GJC1: variants seen among roughly 807,000 people sequenced by gnomAD.
GJC1 encodes gap junction protein gamma 1.
In GJC1, 5 loss-of-function variants were observed where a neutral mutation model predicts 29.3. The observed-to-expected ratio is 0.17, with a 90% CI of 0.09 to 0.36. The LOEUF is 0.36. GJC1 is among the 10% of genes least tolerant of loss of function. GJC1 has a pLI of 1.00. For missense variants in GJC1, 310 were observed against 496.2 expected (o/e 0.62, Z 3.56); for synonymous variants, 177 against 183.3 (o/e 0.97, Z 0.28).
At chr17:44,810,662 T>C (rs954132793) in intron 1 of GJC1, among the ~76,000 whole-genome samples, 14 of 152,148 alleles carry the variant, frequency 9.2e-5, no homozygotes, top group Non-Finnish European at 2.1e-4. Flanking sequence ...TCGCTGGAGA[T>C]CTGCAGACGG....
At chr17:44,806,402 T>G (rs1436733549) in intron 2 of GJC1, among the ~76,000 whole-genome samples, 1 of 43,644 alleles carries the variant, frequency 2.3e-5, no homozygotes, top group Non-Finnish European at 4.5e-5. Flanking sequence ...CTTCTGTTTG[T>G]TTTTTTTTTT....
chr17:44,807,556 A>G (rs1329509795), intron 1 of GJC1, 87 bp from the exon 2 acceptor site: 1 of 152,252 alleles, frequency 6.6e-6, no homozygotes, highest in African/African-American at 2.4e-5. Flanking sequence ...AGAAAGAAAC[A>G]AAGTTTTCTA....
At chr17:44,822,505 T>C (rs2050124030) in intron 1 of GJC1, among the ~76,000 whole-genome samples, 2 of 151,514 alleles carry the variant, frequency 1.3e-5, no homozygotes, top group Admixed American at 1.3e-4. Flanking sequence ...TAGCTGGGCG[T>C]GGTGGCAGGC....
intron 1 of GJC1, among the ~76,000 whole-genome samples, chr17:44,808,403 GTAGA>G (rs1361188370): frequency 6.7e-6 from 1 of 149,398 alleles, no homozygotes; most frequent in East Asian, 2.0e-4. Context: ...GTCCAACCTG[GTAGA>G]TAGAACAACA....
chr17:44,824,019 C>T (rs116679684), intron 1 of GJC1, among the ~76,000 whole-genome samples: 4,041 of 148,196 alleles, frequency 0.027, 200 homozygotes, highest in African/African-American at 0.093. Flanking sequence ...GCCCTCTTTT[C>T]GTTTTTTGAG....
At chr17:44,817,716 A>C (rs1188874045) in intron 1 of GJC1, among the ~76,000 whole-genome samples, 1 of 151,624 alleles carries the variant, frequency 6.6e-6, no homozygotes, top group African/African-American at 2.4e-5. Context: ...ATCTCAAAAA[A>C]ACCCAAAAAC....
In GJC1 at chr17:44,805,867, A is replaced by C; in HGVS notation, c.-20-30T>G. 1.1e-6 allele frequency: 1 copy of C among 950,022 alleles called. No homozygotes were observed. The highest frequency in any genetic ancestry group is 1.6e-6 in the Non-Finnish European group (1 of 630,896). The allele number at this position is 950,022 out of a possible 1,614,324, so 58.8% of individuals were successfully genotyped here. A position where few individuals can be genotyped will look rare whatever the true frequency, so the allele number is the denominator to read the frequency against. ...TAAAAGTGGAAAAATACCAAAATAA[A>C]ATCAACAAATATTAAATCTTAATTT... On this transcript the variant is annotated intron_variant, in intron 2 of 2. Transcript: ENST00000592524. This position sits in a 1 kb window ranked among gnomAD's most constrained non-coding sequence, Gnocchi z 5.1.
intron 1 of GJC1, among the ~76,000 whole-genome samples, chr17:44,827,472 G>C (rs938721785): frequency 1.4e-4 from 21 of 151,992 alleles, no homozygotes; most frequent in African/African-American, 4.8e-4. Flanking sequence ...ATACCCCCTA[G>C]TCAAACTTAA....
At chr17:44,806,694 T>C (rs142242717) in intron 2 of GJC1, among the ~76,000 whole-genome samples, 1 of 151,974 alleles carries the variant, frequency 6.6e-6, no homozygotes, top group Non-Finnish European at 1.5e-5. Flanking sequence ...TGGCCAGACC[T>C]AGGTTCTTTA....
chr17:44,799,237 ACT>A lies in GJC1; in HGVS notation c.*5388_*5389del. 6.6e-6 allele frequency: 1 copy of A among 152,014 alleles called. No individual in the cohort carries two copies. The highest frequency in any genetic ancestry group is 1.9e-4 in the East Asian group (1 of 5,154). 9.4% of individuals were successfully genotyped at this position (152,014 alleles called of 1,614,324 possible). A position where few individuals can be genotyped will look rare whatever the true frequency, so the allele number is the denominator to read the frequency against. Reference sequence around the variant, plus strand: ...TTTCCTCTTTTTTGGCGACAGTCTTACTCTGTCACCCAGGCTGGAGTGCAGTG... The same window carrying A: ...TTTCCTCTTTTTTGGCGACAGTCTTACTGTCACCCAGGCTGGAGTGCAGTG... On this transcript the variant is annotated 3_prime_UTR_variant, in exon 3 of 3. Transcript: ENST00000592524.
chr17:44,807,629 C>T (rs1194884792), intron 1 of GJC1, 160 bp from the exon 2 acceptor site: 1 of 152,178 alleles, frequency 6.6e-6, no homozygotes, highest in Non-Finnish European at 1.5e-5. Context: ...CCAGTCTTCT[C>T]CTCCCCATAC....
intron 1 of GJC1, among the ~76,000 whole-genome samples, chr17:44,820,845 T>C (rs2050097974): frequency 6.6e-6 from 1 of 152,218 alleles, no homozygotes; most frequent in African/African-American, 2.4e-5. Context: ...ACATGAGTGA[T>C]AATAGATGTT....
At chr17:44,822,113 T>C (rs554476098) in intron 1 of GJC1, among the ~76,000 whole-genome samples, 5 of 132,522 alleles carry the variant, frequency 3.8e-5, no homozygotes, top group Non-Finnish European at 6.2e-5. Context: ...AGGAGAATGG[T>C]GTGAACCTGG....
intron 1 of GJC1, among the ~76,000 whole-genome samples, chr17:44,812,740 C>T (rs1188444459): frequency 6.6e-6 from 1 of 151,618 alleles, no homozygotes; most frequent in Non-Finnish European, 1.5e-5. Context: ...CTCCACCTCC[C>T]GGGTTCAAGC....
downstream of GJC1, among the ~76,000 whole-genome samples, chr17:44,797,035 A>G (rs1021217632): frequency 6.6e-6 from 1 of 152,102 alleles, no homozygotes; most frequent in African/African-American, 2.4e-5. Context: ...TTTTTTGTAG[A>G]GACAGGGTCT....
rs574855616 is a variant in GJC1 at position 44,821,281 on chromosome 17, G to A, written c.-97+8781C>T. Among the ~76,000 whole-genome samples the A allele has an allele frequency of 2.1e-4, 32 of 152,264 alleles. No individual in the cohort carries two copies. The South Asian group carries it at 6.6e-3, about 32-fold the overall frequency. On this transcript the variant is annotated intron_variant, in intron 1 of 2. Coordinates refer to ENST00000592524, the MANE Select transcript of GJC1 (RefSeq NM_005497.4). ...ATTTGTCCAAAACAGCCTAAGATTAGGTCAAACCAACTGTTCTGAACAATG... is the reference window on the plus strand; with the variant it reads ...ATTTGTCCAAAACAGCCTAAGATTAAGTCAAACCAACTGTTCTGAACAATG...
chr17:44,796,725 C>G (rs1342990896), downstream of GJC1, among the ~76,000 whole-genome samples: 1 of 149,876 alleles, frequency 6.7e-6, no homozygotes, highest in Admixed American at 6.6e-5. Flanking sequence ...TAAATTATAT[C>G]TTAATAAAAG....
chr17:44,831,276 G>A (rs902580024), upstream of GJC1, among the ~76,000 whole-genome samples: 1 of 152,192 alleles, frequency 6.6e-6, no homozygotes, highest in African/African-American at 2.4e-5. Context: ...CCAAAAATAT[G>A]AATTAGTTAC....
chr17:44,829,665 C>T (rs1270281593), intron 1 of GJC1: 1 of 152,058 alleles, frequency 6.6e-6, no homozygotes, highest in Non-Finnish European at 1.5e-5. Flanking sequence ...CCGGCTCCGC[C>T]CTGCGCCCCT....
Sources: allele counts gnomAD v4.1 joint callset (sites outside exome capture counted in the v4.1 genomes callset), GRCh38; gene constraint gnomAD v4.1.1; non-coding constraint Gnocchi (gnomAD v3.1); transcripts MANE v1.5; gene names NCBI Gene and HGNC (gene_info 2026-07-23, HGNC 2026-07-21).